PCDHA1: variants seen among roughly 807,000 people sequenced by gnomAD.
PCDHA1 encodes protocadherin alpha 1.
Under a neutral mutation model 61.3 loss-of-function variants are expected in PCDHA1, and 42 were observed. The ratio of observed to expected loss-of-function variants is 0.69; its 90% CI spans 0.54 to 0.89. The LOEUF (loss-of-function observed/expected upper bound fraction) is 0.89. PCDHA1 is among the 40% of genes least tolerant of loss of function. The pLI is 0.00. For synonymous variants in PCDHA1, 610 were observed against 553.8 expected (o/e 1.10, Z -1.43); for missense variants, 1,256 against 1,235.3 (o/e 1.02, Z -0.25).
chr5:140,911,971 C>G (rs1041878022), intron 1 of PCDHA1, among the ~76,000 whole-genome samples: 5 of 152,266 alleles, frequency 3.3e-5, no homozygotes, highest in African/African-American at 1.2e-4. Flanking sequence ...GGAGTATTAA[C>G]TCACATGATC....
chr5:140,891,440 G>T (rs1583052190), intron 1 of PCDHA1, among the ~76,000 whole-genome samples: 1 of 147,558 alleles, frequency 6.8e-6, no homozygotes, highest in Admixed American at 6.9e-5. Flanking sequence ...AACGTCCATT[G>T]TATAGGATTT....
chr5:140,834,229 T>C, intron 1 of PCDHA1: 1 of 716,748 alleles, frequency 1.4e-6, no homozygotes, highest in South Asian at 2.1e-5. Flanking sequence ...CAAAAGGAAG[T>C]CATTCCTTTT....
At chr5:140,982,671 G>T in intron 3 of PCDHA1, 108 bp downstream of exon 3, 1 of 1,454,062 alleles carries the variant, frequency 6.9e-7, no homozygotes, top group South Asian at 1.4e-5. Context: ...TTATATTTTT[G>T]TTATTCCCTT....
Position 140,870,665 on chromosome 5 carries a change from C to T in PCDHA1, c.2394+81981C>T, listed in dbSNP as rs782328974. ...AGCGGCAAGGTGTACGCGCTGCAGC[C>T]GTTGGACCACGAGGAGCTGGAGCTG... On this transcript the variant is annotated intron_variant, in intron 1 of 3. Coordinates refer to ENST00000504120, the MANE Select transcript of PCDHA1 (RefSeq NM_018900.4). 1.2e-5 allele frequency: 20 copies of T among 1,612,506 alleles called. No individual in the cohort carries two copies. The South Asian group carries it at 1.4e-4, about 12-fold the overall frequency.
In PCDHA1 at chr5:140,862,738, T is replaced by C. The variant is rs189052602; in HGVS notation, c.2394+74054T>C. 560 of 577,110 alleles carry C rather than the reference T, an allele frequency of 9.7e-4. 3 individuals are homozygous for C. The highest frequency in any genetic ancestry group is 1.5e-3 in the Non-Finnish European group (445 of 297,984). 35.7% of individuals were successfully genotyped at this position (577,110 alleles called of 1,614,324 possible). ...CGAGTGCGCGCTGTCTAGCTATGTG[T>C]GGGTGCACGCGGAGAGCGGCAAGAG... On this transcript the variant is annotated intron_variant, in intron 1 of 3. Coordinates refer to ENST00000504120, the MANE Select transcript of PCDHA1 (RefSeq NM_018900.4).
chr5:140,952,378 A>G (rs1282372403), intron 1 of PCDHA1, among the ~76,000 whole-genome samples: 1 of 151,376 alleles, frequency 6.6e-6, no homozygotes, highest in Non-Finnish European at 1.5e-5. Flanking sequence ...TTCCTCTGCC[A>G]GGTACCCTAA....
intron 1 of PCDHA1, among the ~76,000 whole-genome samples, chr5:140,888,414 T>C (rs530730994): frequency 2.6e-5 from 4 of 152,170 alleles, no homozygotes; most frequent in Non-Finnish European, 5.9e-5. Context: ...CTGCCAAACA[T>C]CCTACCGTGC....
intron 1 of PCDHA1, among the ~76,000 whole-genome samples, chr5:140,820,375 T>C (rs1766742751): frequency 1.3e-5 from 2 of 152,006 alleles, no homozygotes; most frequent in South Asian, 2.1e-4. Context: ...CATTTTCTGG[T>C]AATTTCTTTT....
In PCDHA1 at chr5:140,857,092, G is replaced by A; in HGVS notation, c.2394+68408G>A. On this transcript the variant is annotated intron_variant, in intron 1 of 3. Coordinates refer to ENST00000504120, the MANE Select transcript of PCDHA1 (RefSeq NM_018900.4). ...TGGATGAAAATGATAATTCACCTGA[G>A]GTGATTGTCACTTCTCTGTCTCTCC... 5 of 1,597,300 alleles carry A rather than the reference G, an allele frequency of 3.1e-6. 1 individual carries two copies. Among genetic ancestry groups the A allele is most frequent in the Non-Finnish European group, 4.3e-6 (5 of 1,166,936 alleles).
intron 1 of PCDHA1, among the ~76,000 whole-genome samples, chr5:140,941,551 G>A (rs1247023682): frequency 4.0e-5 from 6 of 151,616 alleles, no homozygotes; most frequent in Non-Finnish European, 8.8e-5. Flanking sequence ...TCCTGACCTC[G>A]TGATCCATTC....
chr5:140,977,247 A>G (rs528974727), intron 1 of PCDHA1, among the ~76,000 whole-genome samples: 1 of 152,336 alleles, frequency 6.6e-6, no homozygotes, highest in African/African-American at 2.4e-5. Context: ...AATTGGCAAC[A>G]TTTCTCAGCA....
chr5:140,877,171 G>A (rs2056910663), intron 1 of PCDHA1: 1 of 1,613,742 alleles, frequency 6.2e-7, no homozygotes, highest in Non-Finnish European at 8.5e-7. Context: ...GGCACTGCTG[G>A]CGACTCCGGC....
intron 1 of PCDHA1, among the ~76,000 whole-genome samples, chr5:140,794,488 C>T (rs939544501): frequency 2.0e-5 from 3 of 152,132 alleles, no homozygotes; most frequent in Admixed American, 2.0e-4. Flanking sequence ...ACTGGAGTGA[C>T]GGTGAAAAGC....
chr5:140,921,932 TAATTTTACACTTGTAA>T (rs781950121), intron 1 of PCDHA1, among the ~76,000 whole-genome samples: 10 of 152,080 alleles, frequency 6.6e-5, no homozygotes, highest in Non-Finnish European at 1.5e-4. Flanking sequence ...ATAGTCAATA[TAATTTTACACTTGTAA>T]AATCCCAGAA....
intron 2 of PCDHA1, among the ~76,000 whole-genome samples, chr5:140,980,491 G>A (rs917181390): frequency 2.6e-5 from 4 of 152,132 alleles, no homozygotes; most frequent in Non-Finnish European, 5.9e-5. Flanking sequence ...TTAGCTGGGC[G>A]TGATGGCATG....
intron 1 of PCDHA1, chr5:140,809,134 A>G (rs1764374318): frequency 6.2e-7 from 1 of 1,613,908 alleles, no homozygotes; most frequent in Non-Finnish European, 8.5e-7. Context: ...GCCTACTGGT[A>G]CTGGTGAAGG....
intron 1 of PCDHA1, among the ~76,000 whole-genome samples, chr5:140,838,948 T>C (rs1437181884): frequency 6.6e-6 from 1 of 151,904 alleles, no homozygotes; most frequent in Non-Finnish European, 1.5e-5. Context: ...TAAAATAAAA[T>C]AAAATAAAAA....
chr5:140,788,306 C>T lies in PCDHA1; in HGVS notation c.2016C>T (p.Ser672=), dbSNP rs540450492. 8.7e-6 allele frequency: 14 copies of T among 1,613,948 alleles called. No homozygotes were observed. The highest frequency in any genetic ancestry group is 1.1e-5 in the Non-Finnish European group (13 of 1,179,928). The change falls in exon 1 of 4, where the codon AGC becomes AGT. Residue 672 remains serine (S), a synonymous_variant. Coordinates refer to ENST00000504120, the MANE Select transcript of PCDHA1 (RefSeq NM_018900.4). ...CTGTGCTTGTATCTCTGGTGGAGAG[C>T]GGCCAGGCGCCAAAGGCGTCTTCGC... ...TATVLVSLVE[S]GQAPKASSRA...
At chr5:141,000,391 CTCTCTA>C (rs1434799221) in intron 3 of PCDHA1, among the ~76,000 whole-genome samples, 1,083 of 55,870 alleles carry the variant, frequency 0.019, 5 homozygotes, top group Non-Finnish European at 0.023. Context: ...CTCTCTCTCT[CTCTCTA>C]TATATATATA....
Sources: gnomAD v4.1 joint callset for allele counts (sites outside exome capture counted in the v4.1 genomes callset) on GRCh38, gnomAD v4.1.1 for gene constraint, MANE v1.5 for transcripts, NCBI Gene and HGNC (gene_info 2026-07-23, HGNC 2026-07-21) for gene names.